MMUT: variants seen among roughly 807,000 people sequenced by gnomAD.
MMUT encodes methylmalonyl-CoA mutase, also known as methylmalonyl-CoA mutase, mitochondrial.
A neutral mutation model predicts 79.9 loss-of-function variants in MMUT; 79 were observed. The ratio of observed to expected loss-of-function variants is 0.99; its 90% CI spans 0.82 to 1.19. MMUT has a LOEUF of 1.19. Among genes scored for constraint, MMUT ranks in the 50% most tolerant of loss-of-function variants. The probability of loss-of-function intolerance (pLI) is 0.00; values close to 1 mark genes in which losing one functional copy is unlikely to be tolerated. For synonymous variants in MMUT, 273 were observed against 295.7 expected (o/e 0.92, Z 0.79); for missense variants, 860 against 917.2 (o/e 0.94, Z 0.81).
At chr6:49,458,083 T>A in intron 2 of MMUT, 25 bp from the exon 3 acceptor site, 1 of 1,597,058 alleles carries the variant, frequency 6.3e-7, no homozygotes, top group Non-Finnish European at 8.5e-7. Context: ...AAAAATAATG[T>A]AAGATTCAAG....
intron 1 of MMUT, among the ~76,000 whole-genome samples, chr6:49,461,361 C>A (rs547543120): frequency 4.3e-4 from 66 of 151,800 alleles, no homozygotes; most frequent in African/African-American, 1.3e-3. Context: ...CATAGTTTCC[C>A]AAAAAAAGAG....
rs927136010 is a variant in MMUT, at chr6:49,430,568, T to C, written c.*1160A>G. 1 of 152,132 alleles carries C rather than the reference T, an allele frequency of 6.6e-6. No homozygotes were observed. Among genetic ancestry groups the C allele is most frequent in the African/African-American group, 2.4e-5 (1 of 41,432 alleles). The allele number at this position is 152,132 out of a possible 1,614,324, so 9.4% of individuals were successfully genotyped here. On this transcript the variant is annotated 3_prime_UTR_variant, in exon 13 of 13. Coordinates refer to ENST00000274813, the MANE Select transcript of MMUT (RefSeq NM_000255.4). Reference sequence around the variant, plus strand: ...GACAATACCATTCAGATAATCATATTCTGAAAATTAAATACATTGTATTAC... The same window carrying C: ...GACAATACCATTCAGATAATCATATCCTGAAAATTAAATACATTGTATTAC...
intron 2 of MMUT, 46 bp downstream of exon 2, chr6:49,459,036 G>A: frequency 6.4e-7 from 1 of 1,571,266 alleles, no homozygotes; most frequent in Non-Finnish European, 8.7e-7. Flanking sequence ...AAAACTAGGA[G>A]GCATATGACT....
At chr6:49,458,814 GTCT>G (rs1166558890) in intron 2 of MMUT, among the ~76,000 whole-genome samples, 3 of 152,166 alleles carry the variant, frequency 2.0e-5, no homozygotes, top group Non-Finnish European at 2.9e-5. Context: ...CAAAGCTAAT[GTCT>G]TCTTTTCTTC....
Position 49,448,855 on chromosome 6 carries a change from C to T in MMUT, c.1405G>A (p.Glu469Lys), listed in dbSNP as rs200850870. 6.8e-6 allele frequency: 11 copies of T among 1,613,590 alleles called. No individual in the cohort carries two copies. Among genetic ancestry groups the T allele is most frequent in the South Asian group, 1.1e-5 (1 of 91,058 alleles). ...VAEGIPKLRI[E>K]ECAARRQARI... ...GCTTGTCTTCGGGCAGCACATTCTT[C>T]AATTCGAAGTTTAGGTATTCCCTCA... Residue 469 changes from glutamate (E) to lysine (K), a missense_variant, in exon 7 of 13, where the codon GAA (glutamate) becomes AAA (lysine). Coordinates refer to ENST00000274813, the MANE Select transcript of MMUT (RefSeq NM_000255.4).
chr6:49,433,149 A>G (rs899664505), intron 12 of MMUT, among the ~76,000 whole-genome samples: 1 of 152,204 alleles, frequency 6.6e-6, no homozygotes, highest in East Asian at 1.9e-4. Context: ...ATTGTTCTTG[A>G]GTAGATGATA....
Position 49,431,741 on chromosome 6 carries a change from T to G in MMUT, c.2240A>C (p.Gln747Pro). The G allele has an allele frequency of 6.2e-7, 1 of 1,613,894 alleles. No individual in the cohort carries two copies. Among genetic ancestry groups the G allele is most frequent in the Non-Finnish European group, 8.5e-7 (1 of 1,179,812 alleles). The change falls in exon 13 of 13, where the codon CAG (glutamine) becomes CCG (proline). Residue 747 changes from glutamine (Q) to proline (P), a missense_variant. Gln to Pro is a moderately conservative substitution (Grantham distance 76, BLOSUM62 -1). Coordinates refer to ENST00000274813, the MANE Select transcript of MMUT (RefSeq NM_000255.4). ...DDIEKCLEKK[Q>P]QSV ...AAAAAGAGGATATTATACAGATTGC[T>G]GCTTCTTTTCCAAACACTTCTCAAT...
chr6:49,448,511 C>T (rs915572065), intron 7 of MMUT, among the ~76,000 whole-genome samples: 5 of 151,998 alleles, frequency 3.3e-5, no homozygotes, highest in African/African-American at 1.2e-4. Flanking sequence ...TGAATGAATA[C>T]TCCAATGCAG....
chr6:49,455,178 A>T (rs1348620907), intron 4 of MMUT, among the ~76,000 whole-genome samples: 2 of 152,120 alleles, frequency 1.3e-5, no homozygotes, highest in Non-Finnish European at 2.9e-5. Flanking sequence ...ACATTTTTGC[A>T]AATCTCTTCA....
intron 10 of MMUT, among the ~76,000 whole-genome samples, chr6:49,440,980 C>T (rs1767258826): frequency 6.6e-6 from 1 of 152,142 alleles, no homozygotes; most frequent in African/African-American, 2.4e-5. Flanking sequence ...TCTTATCATG[C>T]TATATAAATC....
chr6:49,459,036 G>C (rs372445594), intron 2 of MMUT, 46 bp downstream of exon 2: 2 of 1,571,148 alleles, frequency 1.3e-6, no homozygotes, highest in Non-Finnish European at 1.7e-6. Flanking sequence ...AAAACTAGGA[G>C]GCATATGACT....
At chr6:49,461,446 A>T (rs1241869007) in intron 1 of MMUT, among the ~76,000 whole-genome samples, 3 of 152,200 alleles carry the variant, frequency 2.0e-5, no homozygotes, top group Admixed American at 2.0e-4. Context: ...ACTATGTAAA[A>T]AGTACATAGA....
intron 11 of MMUT, among the ~76,000 whole-genome samples, chr6:49,436,011 T>C (rs1186316938): frequency 1.3e-5 from 2 of 152,086 alleles, no homozygotes; most frequent in East Asian, 1.9e-4. Flanking sequence ...TGGCCAACAA[T>C]CGTATTTTTA....
chr6:49,459,053 AAAT>A, intron 2 of MMUT, 26 bp downstream of exon 2: 1 of 1,607,090 alleles, frequency 6.2e-7, no homozygotes, highest in Non-Finnish European at 8.5e-7. Flanking sequence ...GACTTATCAT[AAAT>A]ATTATGTCTT....
intron 8 of MMUT, 108 bp downstream of exon 8, chr6:49,447,562 C>T: frequency 1.5e-6 from 1 of 683,806 alleles, no homozygotes; most frequent in Admixed American, 2.5e-5. Flanking sequence ...TTAATACACA[C>T]CTCATGCTGT....
At chr6:49,434,919 G>A (rs1453107420) in intron 12 of MMUT, among the ~76,000 whole-genome samples, 1 of 152,124 alleles carries the variant, frequency 6.6e-6, no homozygotes, top group Non-Finnish European at 1.5e-5. Flanking sequence ...GGGTTTTATA[G>A]GACCATGTAA....
Position 49,456,191 on chromosome 6 carries a change from T to C in MMUT, c.800A>G (p.Gln267Arg). Residue 267 changes from glutamine to arginine, a missense_variant, in exon 4 of 13, where the codon CAG becomes CGG. Physicochemically the swap from Gln to Arg is conservative, Grantham distance 43. Coordinates refer to ENST00000274813, the MANE Select transcript of MMUT (RefSeq NM_000255.4). Reference sequence around the variant, plus strand: ...CAGAATGGCATCAGCCCCTGCTTCCTGCATATGGTATCCACTAATTGAAAT... The same window carrying C: ...CAGAATGGCATCAGCCCCTGCTTCCCGCATATGGTATCCACTAATTGAAAT... ...NSISISGYHM[Q>R]EAGADAILEL... 1 of 1,612,266 alleles carries C rather than the reference T, an allele frequency of 6.2e-7. No homozygotes were observed. Among genetic ancestry groups the C allele is most frequent in the Non-Finnish European group, 8.5e-7 (1 of 1,178,354 alleles).
Position 49,431,754 on chromosome 6 carries a change from A to T in MMUT, c.2227T>A (p.Leu743Met). 6.2e-7 allele frequency: 1 copy of T among 1,613,958 alleles called. No individual in the cohort carries two copies. The highest frequency in any genetic ancestry group is 1.1e-5 in the South Asian group (1 of 91,072). Reference sequence around the variant, plus strand: ...TATACAGATTGCTGCTTCTTTTCCAAACACTTCTCAATATCATCAAGCACC... The same window carrying T: ...TATACAGATTGCTGCTTCTTTTCCATACACTTCTCAATATCATCAAGCACC... ...VQVLDDIEKC[L>M]EKKQQSV Residue 743 changes from leucine (L) to methionine (M), a missense_variant, in exon 13 of 13, where the codon TTG becomes ATG. Coordinates refer to ENST00000274813, the MANE Select transcript of MMUT (RefSeq NM_000255.4).
chr6:49,448,487 AAGT>A (rs1183599212), intron 7 of MMUT, among the ~76,000 whole-genome samples: 15 of 152,062 alleles, frequency 9.9e-5, no homozygotes, highest in Non-Finnish European at 2.2e-4. Flanking sequence ...TAAACTAAAG[AAGT>A]ATTCATTGAA....
Sources: allele counts gnomAD v4.1 joint callset (sites outside exome capture counted in the v4.1 genomes callset), GRCh38; gene constraint gnomAD v4.1.1; transcripts MANE v1.5; gene names NCBI Gene and HGNC (gene_info 2026-07-23, HGNC 2026-07-21).